The following BMP5 variants were observed in gnomAD, a reference collection of about 807,000 sequenced individuals.
BMP5 encodes bone morphogenetic protein 5.
A neutral mutation model predicts 46.6 loss-of-function variants in BMP5; 23 were observed. That is an observed-to-expected ratio of 0.49 (90% CI 0.35 to 0.70). BMP5 has a LOEUF of 0.70. Ranked by LOEUF, BMP5 falls within the 30% of genes least tolerant of loss-of-function variation. The pLI, the probability that BMP5 is intolerant of heterozygous loss-of-function variation, is 0.00. For missense variants in BMP5, 545 were observed against 565.6 expected (o/e 0.96, Z 0.37); for synonymous variants, 204 against 191.9 (o/e 1.06, Z -0.52).
intron 1 of BMP5, among the ~76,000 whole-genome samples, chr6:55,855,460 T>C (rs2127551633): frequency 6.6e-6 from 1 of 152,292 alleles, no homozygotes; most frequent in South Asian, 2.1e-4. Context: ...ATTAAAGTGC[T>C]AGTGAATATT....
chr6:55,856,709 C>A (rs1777406971), intron 1 of BMP5, among the ~76,000 whole-genome samples: 1 of 151,696 alleles, frequency 6.6e-6, no homozygotes, highest in Non-Finnish European at 1.5e-5. Context: ...ACTTACATAC[C>A]ACCCGATTAG....
chr6:55,869,781 T>C (rs955687277), intron 1 of BMP5, among the ~76,000 whole-genome samples: 2 of 152,200 alleles, frequency 1.3e-5, no homozygotes, highest in African/African-American at 4.8e-5. Context: ...GCAGCTCTGA[T>C]GCCCTGGGGA....
At chr6:55,787,789 T>A (rs1286713379) in intron 3 of BMP5, among the ~76,000 whole-genome samples, 1 of 151,584 alleles carries the variant, frequency 6.6e-6, no homozygotes, top group Non-Finnish European at 1.5e-5. Flanking sequence ...TTATTTGAAG[T>A]TTGCAGAATA....
At chr6:55,776,275 A>T (rs1020445163) in intron 3 of BMP5, among the ~76,000 whole-genome samples, 2 of 151,978 alleles carry the variant, frequency 1.3e-5, no homozygotes, top group African/African-American at 4.8e-5. Flanking sequence ...AATTCAGCTC[A>T]GACTTCCTCC....
chr6:55,801,831 C>A (rs1775855160), intron 2 of BMP5, among the ~76,000 whole-genome samples: 1 of 152,172 alleles, frequency 6.6e-6, no homozygotes, highest in South Asian at 2.1e-4. Flanking sequence ...ATGCCTTATT[C>A]ACTTATCCAT....
At chr6:55,848,323 A>C (rs1241491144) in intron 1 of BMP5, among the ~76,000 whole-genome samples, 1 of 152,050 alleles carries the variant, frequency 6.6e-6, no homozygotes, top group Non-Finnish European at 1.5e-5. Flanking sequence ...TTGTAAACAA[A>C]GAAAACACTG....
chr6:55,835,855 C>T (rs1475334146), intron 1 of BMP5, among the ~76,000 whole-genome samples: 2 of 152,102 alleles, frequency 1.3e-5, no homozygotes, highest in East Asian at 3.8e-4. Context: ...GAATTACAAA[C>T]AGTTTTCAAT....
At chr6:55,789,977 A>G (rs1314624779) in intron 3 of BMP5, among the ~76,000 whole-genome samples, 1 of 152,142 alleles carries the variant, frequency 6.6e-6, no homozygotes, top group Non-Finnish European at 1.5e-5. Context: ...CATAATTTCC[A>G]CAGGCTCTCT....
At chr6:55,872,212 A>G (rs1777804122) in intron 1 of BMP5, among the ~76,000 whole-genome samples, 1 of 151,812 alleles carries the variant, frequency 6.6e-6, no homozygotes, top group African/African-American at 2.4e-5. Flanking sequence ...AATTTTCCTT[A>G]AAGTCTACCA....
intron 1 of BMP5, among the ~76,000 whole-genome samples, chr6:55,868,493 T>C (rs1245364672): frequency 6.6e-6 from 1 of 152,196 alleles, no homozygotes; most frequent in Non-Finnish European, 1.5e-5. Context: ...TTCTTTTTGA[T>C]TTATGGGGTT....
In BMP5 at chr6:55,755,448, T is replaced by A; in HGVS notation, c.*85A>T. 1 of 1,352,476 alleles carries A rather than the reference T, an allele frequency of 7.4e-7. No homozygotes were observed. The highest frequency in any genetic ancestry group is 1.0e-6 in the Non-Finnish European group (1 of 964,606). 83.8% of individuals were successfully genotyped at this position (1,352,476 alleles called of 1,614,324 possible). A position where few individuals can be genotyped will look rare whatever the true frequency, so the allele number is the denominator to read the frequency against. ...AATGAGCCAGACTAATTTTAGGAAA[T>A]TCCCCGTTTGTCTGAAAGTATGCTT... On this transcript the variant is annotated 3_prime_UTR_variant, in exon 7 of 7. Transcript: ENST00000370830.
intron 1 of BMP5, among the ~76,000 whole-genome samples, chr6:55,831,477 A>G (rs1189566061): frequency 2.6e-5 from 4 of 152,098 alleles, no homozygotes; most frequent in African/African-American, 9.7e-5. Flanking sequence ...CATCCATGGA[A>G]CAAGTACTAA....
Position 55,774,063 on chromosome 6 carries a change from A to G in BMP5, c.1013T>C (p.Met338Thr). The G allele has an allele frequency of 1.2e-6, 2 of 1,612,646 alleles. No homozygotes were observed. The highest frequency in any genetic ancestry group is 8.5e-7 in the Non-Finnish European group (1 of 1,179,254). The change falls in exon 4 of 7, where the codon ATG (methionine) becomes ACG (threonine). Residue 338 changes from methionine (M) to threonine (T), a missense_variant. Physicochemically the swap from Met to Thr is moderately conservative, Grantham distance 81. Coordinates refer to ENST00000370830, the MANE Select transcript of BMP5 (RefSeq NM_021073.4). ...KSSSHQDSSR[M>T]SSVGDYNTSE... ...TTTATTCTTACCTCCAACACTGGACATTCTGGAGGAGTCCTGATGAGAGCT... is the reference window on the plus strand; with the variant it reads ...TTTATTCTTACCTCCAACACTGGACGTTCTGGAGGAGTCCTGATGAGAGCT...
chr6:55,845,186 A>G (rs1199189547), intron 1 of BMP5, among the ~76,000 whole-genome samples: 4 of 152,056 alleles, frequency 2.6e-5, no homozygotes, highest in African/African-American at 7.2e-5. Flanking sequence ...ACTTACTTCA[A>G]TGGACATTTA....
At chr6:55,854,376 TCAA>T (rs1777333904) in intron 1 of BMP5, among the ~76,000 whole-genome samples, 1 of 152,066 alleles carries the variant, frequency 6.6e-6, no homozygotes, top group African/African-American at 2.4e-5. Flanking sequence ...TTGATATTGA[TCAA>T]TATTTTTTCA....
intron 4 of BMP5, among the ~76,000 whole-genome samples, chr6:55,767,265 G>A (rs916152798): frequency 1.3e-5 from 2 of 151,992 alleles, no homozygotes; most frequent in Admixed American, 6.6e-5. Flanking sequence ...TTATAAGAGA[G>A]AGTGTGAACT....
chr6:55,777,994 C>T (rs765870388), intron 3 of BMP5, among the ~76,000 whole-genome samples: 17 of 151,892 alleles, frequency 1.1e-4, no homozygotes, highest in African/African-American at 3.4e-4. Context: ...GAATGATCTC[C>T]GAAATTATCT....
chr6:55,867,080 C>T (rs1411750975), intron 1 of BMP5, among the ~76,000 whole-genome samples: 2 of 152,168 alleles, frequency 1.3e-5, no homozygotes, highest in Non-Finnish European at 2.9e-5. Context: ...CCCTATTCTG[C>T]TATTCTCACC....
intron 2 of BMP5, among the ~76,000 whole-genome samples, chr6:55,797,319 T>C (rs1220380755): frequency 6.6e-6 from 1 of 152,202 alleles, no homozygotes; most frequent in African/African-American, 2.4e-5. Context: ...TAAAATAAAC[T>C]TGTTAAAGTT....
Sources: gnomAD v4.1 joint callset for allele counts (sites outside exome capture counted in the v4.1 genomes callset) on GRCh38, gnomAD v4.1.1 for gene constraint, MANE v1.5 for transcripts, NCBI Gene and HGNC (gene_info 2026-07-23, HGNC 2026-07-21) for gene names.